GPC5: variants seen among roughly 807,000 people sequenced by gnomAD.
GPC5 encodes glypican 5, also known as glypican-5.
GPC5 carries 47 observed loss-of-function variants against 53.9 expected under a neutral mutation model. That is an observed-to-expected ratio of 0.87 (90% CI 0.69 to 1.11). The LOEUF (loss-of-function observed/expected upper bound fraction) is 1.11. Ranked by LOEUF, GPC5 falls within the 50% of genes most tolerant of loss-of-function variation. GPC5 has a pLI of 0.00. For missense variants in GPC5, 748 were observed against 713.1 expected, an observed-to-expected ratio of 1.05 and a Z score of -0.56; for synonymous variants, 286 against 263.3, an observed-to-expected ratio of 1.09 and a Z score of -0.84.
intron 7 of GPC5, among the ~76,000 whole-genome samples, chr13:92,684,185 C>CAT (rs1887187709): frequency 6.6e-6 from 1 of 152,148 alleles, no homozygotes; most frequent in African/African-American, 2.4e-5. Context: ...TATAGGCTTT[C>CAT]ATATTGGCTT....
At chr13:92,860,025 C>T (rs1879128511) in intron 7 of GPC5, among the ~76,000 whole-genome samples, 1 of 152,032 alleles carries the variant, frequency 6.6e-6, no homozygotes, top group African/African-American at 2.4e-5. Flanking sequence ...TTATCTGATA[C>T]AGTGACAATT....
At chr13:92,805,649 G>A (rs1268963676) in intron 7 of GPC5, among the ~76,000 whole-genome samples, 2 of 151,812 alleles carry the variant, frequency 1.3e-5, no homozygotes, top group Non-Finnish European at 2.9e-5. Context: ...TGTTTCCTAT[G>A]TTGCTCTCAA....
At chr13:91,407,422 A>G (rs777525191) in intron 1 of GPC5, among the ~76,000 whole-genome samples, 1 of 152,204 alleles carries the variant, frequency 6.6e-6, no homozygotes, top group Non-Finnish European at 1.5e-5. Flanking sequence ...TAAAGGATTA[A>G]TTTGCACAGC....
chr13:91,576,832 A>G (rs999773071), intron 2 of GPC5, among the ~76,000 whole-genome samples: 1 of 152,170 alleles, frequency 6.6e-6, no homozygotes, highest in African/African-American at 2.4e-5. Context: ...GCCACCAACT[A>G]AAACAAAGTT....
At chr13:91,524,483 T>C (rs1274574320) in intron 2 of GPC5, among the ~76,000 whole-genome samples, 1 of 152,214 alleles carries the variant, frequency 6.6e-6, no homozygotes, top group Non-Finnish European at 1.5e-5. Flanking sequence ...CACTGCCTAC[T>C]ACCAGACTAC....
intron 5 of GPC5, among the ~76,000 whole-genome samples, chr13:91,828,150 G>A (rs916599320): frequency 1.3e-5 from 2 of 152,022 alleles, no homozygotes; most frequent in African/African-American, 4.8e-5. Context: ...TTGGTGCTTT[G>A]TGTAGAGTGG....
At chr13:92,765,319 A>G (rs1453519033) in intron 7 of GPC5, among the ~76,000 whole-genome samples, 1 of 152,220 alleles carries the variant, frequency 6.6e-6, no homozygotes, top group Non-Finnish European at 1.5e-5. Flanking sequence ...AAAAGTCATT[A>G]AGCCTATAAA....
intron 7 of GPC5, among the ~76,000 whole-genome samples, chr13:92,608,478 G>A (rs116641254): frequency 2.1e-3 from 326 of 152,206 alleles, no homozygotes; most frequent in African/African-American, 7.1e-3. Flanking sequence ...AGCCTTATTA[G>A]TTTAAAATCT....
rs539130548 is a variant in GPC5, at chr13:92,656,292, T to C, written c.1562-209990T>C. 6.6e-5 allele frequency among the ~76,000 whole-genome samples: 10 copies of C among 152,260 alleles called. No homozygotes were observed. In the South Asian group the frequency reaches 2.1e-3, roughly 32 times the overall value. The stretch of plus-strand genomic sequence containing the variant: ...AGGTGAGGTGGCTTCAAATAGAGAA[T>C]TAGCAATGAAAAGACACAGTGAAAA... On this transcript the variant is annotated intron_variant, in intron 7 of 7. Coordinates refer to ENST00000377067, the MANE Select transcript of GPC5 (RefSeq NM_004466.6).
At chr13:92,234,522 T>C (rs2042555346) in intron 7 of GPC5, among the ~76,000 whole-genome samples, 1 of 152,028 alleles carries the variant, frequency 6.6e-6, no homozygotes, top group African/African-American at 2.4e-5. Flanking sequence ...TTTATATCTT[T>C]TAGAGAGAGA....
At position 92,406,726 on chromosome 13, in the gene GPC5, G is replaced by GT. The variant is rs140292804; in HGVS notation, c.1561+261738dup. Among the ~76,000 whole-genome samples the GT allele has an allele frequency of 2.0e-3, 308 of 152,266 alleles. 1 individual carries two copies. The highest frequency in any genetic ancestry group is 3.9e-3 in the Non-Finnish European group (266 of 68,020). ...GTGTGTTTTCTTATCTCAGAGACAA[G>GT]TATCTCAATAATTCTCACTACATAA... is the stretch of plus-strand genomic sequence containing the variant. On this transcript the variant is annotated intron_variant, in intron 7 of 7. Transcript: ENST00000377067.
rs80069440 is a variant in GPC5, at chr13:92,591,642, A to G, written c.1562-274640A>G. Among the ~76,000 whole-genome samples, 1,347 of 152,240 alleles carry G rather than the reference A, an allele frequency of 8.8e-3. 22 individuals are homozygous for G. Among genetic ancestry groups the G allele is most frequent in the African/African-American group, 0.03 (1,260 of 41,542 alleles). ...TCTTAGCATTTTTCAAGAATTCTAT[A>G]TATCATCATTAGTTATAGTCACCAT... On this transcript the variant is annotated intron_variant, in intron 7 of 7. Transcript: ENST00000377067.
At chr13:92,296,975 G>A (rs1012844891) in intron 7 of GPC5, among the ~76,000 whole-genome samples, 9 of 152,238 alleles carry the variant, frequency 5.9e-5, no homozygotes, top group East Asian at 2.0e-4. Flanking sequence ...TGTGTGGCCC[G>A]AGCCTCCCCG....
At chr13:91,709,946 C>T (rs978941259) in intron 3 of GPC5, among the ~76,000 whole-genome samples, 7 of 152,144 alleles carry the variant, frequency 4.6e-5, no homozygotes, top group African/African-American at 1.7e-4. Flanking sequence ...TGTAAAGTTC[C>T]CTTTGTAGCG....
chr13:92,385,792 T>C (rs1474940954), intron 7 of GPC5, among the ~76,000 whole-genome samples: 4 of 111,040 alleles, frequency 3.6e-5, no homozygotes, highest in South Asian at 5.7e-4. Flanking sequence ...TGTATATATA[T>C]ACATATATAC....
chr13:91,622,575 A>G (rs1334804179), intron 2 of GPC5, among the ~76,000 whole-genome samples: 2 of 152,142 alleles, frequency 1.3e-5, no homozygotes, highest in African/African-American at 4.8e-5. Context: ...TCTTAGAAAT[A>G]TAAAAGACAA....
At chr13:91,851,624 A>G (rs1482575146) in intron 5 of GPC5, among the ~76,000 whole-genome samples, 2 of 145,672 alleles carry the variant, frequency 1.4e-5, no homozygotes, top group Non-Finnish European at 3.0e-5. Flanking sequence ...AGCATTAGGT[A>G]TATCTCCCAG....
intron 2 of GPC5, among the ~76,000 whole-genome samples, chr13:91,591,038 T>G (rs1264432418): frequency 2.6e-5 from 4 of 152,148 alleles, no homozygotes; most frequent in African/African-American, 9.7e-5. Context: ...TAAGGAGCAT[T>G]GTATTGTTGA....
chr13:92,040,678 A>G (rs1380202562), intron 6 of GPC5, among the ~76,000 whole-genome samples: 4 of 152,126 alleles, frequency 2.6e-5, no homozygotes, highest in Non-Finnish European at 2.9e-5. Flanking sequence ...TACAACTGCC[A>G]TTACTCCTGA....
Sources: allele counts gnomAD v4.1 joint callset (sites outside exome capture counted in the v4.1 genomes callset), GRCh38; gene constraint gnomAD v4.1.1; transcripts MANE v1.5; gene names NCBI Gene and HGNC (gene_info 2026-07-23, HGNC 2026-07-21).